Variants in NAV2 observed in about 807,000 individuals in gnomAD.
NAV2 encodes neuron navigator 2.
NAV2 carries 54 observed loss-of-function variants against 223.2 expected under a neutral mutation model. The ratio of observed to expected loss-of-function variants is 0.24; its 90% CI spans 0.19 to 0.30. NAV2 has a LOEUF of 0.30. NAV2 is among the 10% of genes least tolerant of loss of function. The pLI, the probability that NAV2 is intolerant of heterozygous loss-of-function variation, is 1.00. For missense variants in NAV2, 2,806 were observed against 3,147.5 expected, an observed-to-expected ratio of 0.89 and a Z score of 2.60; for synonymous variants, 1,279 against 1,239.3, an observed-to-expected ratio of 1.03 and a Z score of -0.67.
intron 1 of NAV2, among the ~76,000 whole-genome samples, chr11:19,428,596 A>C (rs571998217): frequency 2.0e-5 from 3 of 152,244 alleles, no homozygotes; most frequent in African/African-American, 7.2e-5. Flanking sequence ...TCACTGGTCA[A>C]TGGTGATACT....
intron 1 of NAV2, among the ~76,000 whole-genome samples, chr11:19,358,857 G>C (rs917700290): frequency 2.6e-5 from 4 of 152,182 alleles, no homozygotes; most frequent in African/African-American, 9.7e-5. Flanking sequence ...AATGATGTGA[G>C]AAAATCATCA....
At chr11:19,883,190 G>C (rs569695821) in intron 5 of NAV2, among the ~76,000 whole-genome samples, 7 of 152,280 alleles carry the variant, frequency 4.6e-5, no homozygotes, top group Non-Finnish European at 7.4e-5. Flanking sequence ...GCACCCCTGG[G>C]GGGTAGCAAA....
At chr11:19,889,666 C>G (rs774885397) in intron 5 of NAV2, among the ~76,000 whole-genome samples, 1 of 152,200 alleles carries the variant, frequency 6.6e-6, no homozygotes, top group African/African-American at 2.4e-5. Flanking sequence ...TAGCTAGCCA[C>G]TGACTCAGTG....
chr11:20,105,878 C>G, intron 35 of NAV2, 151 bp downstream of exon 35: 4 of 637,818 alleles, frequency 6.3e-6, no homozygotes, highest in Non-Finnish European at 1.1e-5. Context: ...AGTCACAGAC[C>G]AGGTAGACCC....
At chr11:19,444,662 T>TA (rs1294546334) in intron 1 of NAV2, among the ~76,000 whole-genome samples, 1 of 152,152 alleles carries the variant, frequency 6.6e-6, no homozygotes, top group East Asian at 1.9e-4. Flanking sequence ...TCTTACCTGT[T>TA]AAAGCAGCTA....
intron 1 of NAV2, among the ~76,000 whole-genome samples, chr11:19,402,980 G>C (rs888962444): frequency 6.6e-6 from 1 of 152,212 alleles, no homozygotes; most frequent in Non-Finnish European, 1.5e-5. Flanking sequence ...ATCGGGAGTG[G>C]CGGTGAAGAG....
chr11:19,872,640 C>T (rs1015322095), intron 4 of NAV2, among the ~76,000 whole-genome samples: 1 of 152,252 alleles, frequency 6.6e-6, no homozygotes, highest in Admixed American at 6.5e-5. Context: ...TCCACCCTTT[C>T]CCAGTCTAAA....
In NAV2 at chr11:20,082,442, T is replaced by C; in HGVS notation, c.5326-565T>C. The stretch of plus-strand genomic sequence containing the variant: ...CCCCAGTGCTTTTAAAGATTTGTGT[T>C]CCTACTGGAAACCTCCCCTGTGTGT... On this transcript the variant is annotated intron_variant, in intron 25 of 37. Coordinates refer to ENST00000349880, the MANE Select transcript of NAV2 (RefSeq NM_145117.5). 3 of 727,620 alleles carry C rather than the reference T, an allele frequency of 4.1e-6. No homozygotes were observed. The South Asian group carries it at 5.2e-5, about 13-fold the overall frequency. 45.1% of individuals were successfully genotyped at this position (727,620 alleles called of 1,614,324 possible). A position where few individuals can be genotyped will look rare whatever the true frequency, so the allele number is the denominator to read the frequency against.
Position 19,981,162 on chromosome 11 carries a change from T to A in NAV2, c.2646-2963T>A, listed in dbSNP as rs551703308. 2.6e-5 allele frequency: 4 copies of A among 152,352 alleles called. No individual in the cohort carries two copies. In the East Asian group the frequency reaches 7.7e-4, roughly 29 times the overall value. 9.4% of individuals were successfully genotyped at this position (152,352 alleles called of 1,614,324 possible). ...TCCTACAGTTTGAGAAGGCAGAAGATCCTGATTTAGCTTTGCCTTTCCCCT... is the reference window on the plus strand; with the variant it reads ...TCCTACAGTTTGAGAAGGCAGAAGAACCTGATTTAGCTTTGCCTTTCCCCT... On this transcript the variant is annotated intron_variant, in intron 10 of 37. Coordinates refer to ENST00000349880, the MANE Select transcript of NAV2 (RefSeq NM_145117.5).
intron 10 of NAV2, among the ~76,000 whole-genome samples, chr11:19,962,375 A>G (rs2048413693): frequency 6.6e-6 from 1 of 152,114 alleles, no homozygotes. Flanking sequence ...TTGACCAAAT[A>G]TCTGGGTATT....
chr11:20,032,770 G>A (rs374462969), intron 11 of NAV2, among the ~76,000 whole-genome samples: 50 of 152,316 alleles, frequency 3.3e-4, no homozygotes, highest in African/African-American at 1.1e-3. Context: ...AGGGAGCTGG[G>A]CTTAGAATCC....
chr11:19,897,528 G>A (rs1242419034), intron 6 of NAV2, among the ~76,000 whole-genome samples: 1 of 151,964 alleles, frequency 6.6e-6, no homozygotes, highest in Non-Finnish European at 1.5e-5. Flanking sequence ...TGGTTACACA[G>A]AACAACCCAC....
chr11:20,040,742 A>G (rs1039550082), intron 12 of NAV2, among the ~76,000 whole-genome samples: 1 of 152,218 alleles, frequency 6.6e-6, no homozygotes, highest in African/African-American at 2.4e-5. Context: ...TGAGATGGAA[A>G]CAACTGGCCG....
At chr11:19,467,174 C>A (rs1356946109) in intron 1 of NAV2, among the ~76,000 whole-genome samples, 1 of 152,140 alleles carries the variant, frequency 6.6e-6, no homozygotes, top group Non-Finnish European at 1.5e-5. Context: ...TATGATGTTA[C>A]ATTTTCTTCA....
intron 2 of NAV2, among the ~76,000 whole-genome samples, chr11:19,836,429 C>T (rs1160259615): frequency 5.9e-5 from 9 of 151,882 alleles, no homozygotes; most frequent in South Asian, 2.1e-4. Flanking sequence ...CGGTGGCGGG[C>T]GCCTGTAGTC....
intron 1 of NAV2, among the ~76,000 whole-genome samples, chr11:19,763,078 G>C (rs1052425567): frequency 1.2e-4 from 18 of 152,186 alleles, no homozygotes; most frequent in Non-Finnish European, 1.9e-4. Context: ...AACCTTGTCT[G>C]TCTGGTTCAC....
intron 6 of NAV2, among the ~76,000 whole-genome samples, chr11:19,912,886 G>A (rs2043436242): frequency 6.6e-6 from 1 of 152,218 alleles, no homozygotes; most frequent in Non-Finnish European, 1.5e-5. Context: ...GCAGGATTAA[G>A]GCATGTAATC....
At chr11:19,731,833 G>T (rs1470103161) in intron 1 of NAV2, among the ~76,000 whole-genome samples, 1 of 152,204 alleles carries the variant, frequency 6.6e-6, no homozygotes, top group Admixed American at 6.5e-5. Flanking sequence ...ATTGCTAACT[G>T]CAGGGTCCTA....
chr11:19,484,055 G>A (rs1028657464), intron 1 of NAV2, among the ~76,000 whole-genome samples: 3 of 151,524 alleles, frequency 2.0e-5, no homozygotes, highest in South Asian at 4.2e-4. Flanking sequence ...CCTCTTCTGC[G>A]TCTTGGGTTC....
Sources: gnomAD v4.1 joint callset for allele counts (sites outside exome capture counted in the v4.1 genomes callset) on GRCh38, gnomAD v4.1.1 for gene constraint, MANE v1.5 for transcripts, NCBI Gene and HGNC (gene_info 2026-07-23, HGNC 2026-07-21) for gene names.